PTPRM: variants seen among roughly 807,000 people sequenced by gnomAD.
PTPRM encodes the protein receptor-type tyrosine-protein phosphatase mu.
PTPRM carries 47 observed loss-of-function variants against 186.7 expected under a neutral mutation model. The ratio of observed to expected loss-of-function variants is 0.25; its 90% CI spans 0.20 to 0.32. PTPRM has a LOEUF of 0.32. Among genes scored for constraint, PTPRM ranks in the 10% least tolerant of loss-of-function variants. PTPRM has a pLI of 1.00. For missense variants in PTPRM, 1,494 were observed against 1,865.0 expected, an observed-to-expected ratio of 0.80 and a Z score of 3.66; for synonymous variants, 668 against 674.9, an observed-to-expected ratio of 0.99 and a Z score of 0.16.
At chr18:7,709,339 T>TA (rs1374605617) in intron 1 of PTPRM, among the ~76,000 whole-genome samples, 1 of 152,036 alleles carries the variant, frequency 6.6e-6, no homozygotes, top group African/African-American at 2.4e-5. Flanking sequence ...AGGTGGAAAT[T>TA]AAAAAATTAT....
intron 2 of PTPRM, among the ~76,000 whole-genome samples, chr18:7,842,930 G>GTGTGTGTGTGTGTATATA (rs377182615): frequency 9.9e-6 from 1 of 100,942 alleles, no homozygotes; most frequent in African/African-American, 5.0e-5. Context: ...GTGTGTGTGT[G>GTGTGTGTGTGTGTATATA]TATATATATA....
chr18:8,054,298 A>AATATATATATATATATATATAT lies in PTPRM; in HGVS notation c.1133-15385_1133-15364dup, dbSNP rs34903203. Reference sequence around the variant, plus strand: ...AGTAGTAATATATACTAGTAGTAGTAATATATATATATATATATATATATT... The same window carrying AATATATATATATATATATATAT: ...AGTAGTAATATATACTAGTAGTAGTAATATATATATATATATATATATATATATATATATATATATATATATT... On this transcript the variant is annotated intron_variant, in intron 7 of 32. Coordinates refer to ENST00000580170, the MANE Select transcript of PTPRM (RefSeq NM_001105244.2). Among the ~76,000 whole-genome samples, 80 of 131,636 alleles carry AATATATATATATATATATATAT rather than the reference A, an allele frequency of 6.1e-4. 2 individuals carry two copies. Among genetic ancestry groups the AATATATATATATATATATATAT allele is most frequent in the African/African-American group, 2.3e-3 (72 of 30,744 alleles). The allele number at this position is 131,636 out of a possible 152,430, so 86.4% of individuals were successfully genotyped here. A position where few individuals can be genotyped will look rare whatever the true frequency, so the allele number is the denominator to read the frequency against.
At chr18:8,292,049 C>T (rs2095048953) in intron 19 of PTPRM, among the ~76,000 whole-genome samples, 1 of 152,190 alleles carries the variant, frequency 6.6e-6, no homozygotes. Context: ...AGTTACTGTA[C>T]TTGCCCTGAG....
intron 1 of PTPRM, among the ~76,000 whole-genome samples, chr18:7,644,380 G>A (rs1361816121): frequency 2.0e-5 from 3 of 152,064 alleles, no homozygotes; most frequent in Non-Finnish European, 4.4e-5. Flanking sequence ...TACCTCTGTA[G>A]AACATGTAAA....
At chr18:8,144,226 T>A (rs940743734) in intron 14 of PTPRM, among the ~76,000 whole-genome samples, 1 of 152,116 alleles carries the variant, frequency 6.6e-6, no homozygotes, top group East Asian at 1.9e-4. Context: ...CTAGGGAAGG[T>A]CATCAGCACA....
At chr18:8,294,443 C>A (rs2095073511) in intron 19 of PTPRM, among the ~76,000 whole-genome samples, 1 of 152,034 alleles carries the variant, frequency 6.6e-6, no homozygotes, top group Non-Finnish European at 1.5e-5. Flanking sequence ...GGAAAAGCCG[C>A]TTATAAAACG....
At chr18:7,618,438 CTTCTA>C (rs1303156904) in intron 1 of PTPRM, among the ~76,000 whole-genome samples, 1 of 152,078 alleles carries the variant, frequency 6.6e-6, no homozygotes, top group Non-Finnish European at 1.5e-5. Context: ...CAGTTTGAAA[CTTCTA>C]TTTAGTATAG....
At chr18:7,731,643 A>G (rs1389978712) in intron 1 of PTPRM, among the ~76,000 whole-genome samples, 1 of 152,142 alleles carries the variant, frequency 6.6e-6, no homozygotes, top group Non-Finnish European at 1.5e-5. Context: ...TGATCCTACC[A>G]TGTATCTTTA....
chr18:8,294,658 C>T (rs1435684177), intron 19 of PTPRM, among the ~76,000 whole-genome samples: 2 of 152,082 alleles, frequency 1.3e-5, no homozygotes, highest in Non-Finnish European at 2.9e-5. Flanking sequence ...TACAGCTGTT[C>T]ATATATAGCA....
At chr18:8,024,643 C>T (rs1046685169) in intron 7 of PTPRM, among the ~76,000 whole-genome samples, 10 of 149,476 alleles carry the variant, frequency 6.7e-5, no homozygotes, top group Non-Finnish European at 7.4e-5. Flanking sequence ...TAAGACTGTA[C>T]TTTTCACACC....
chr18:7,685,362 G>A (rs574876255), intron 1 of PTPRM, among the ~76,000 whole-genome samples: 6 of 152,298 alleles, frequency 3.9e-5, no homozygotes, highest in African/African-American at 1.4e-4. Flanking sequence ...TATGATCATT[G>A]TATCTTGATG....
chr18:8,138,518 C>T (rs1317499606), intron 13 of PTPRM, among the ~76,000 whole-genome samples: 1 of 152,130 alleles, frequency 6.6e-6, no homozygotes, highest in Non-Finnish European at 1.5e-5. Flanking sequence ...TGAGATTTCT[C>T]ACACCTCCGT....
chr18:7,720,187 A>C lies in PTPRM; in HGVS notation c.74-53962A>C, dbSNP rs145031022. 3.7e-3 allele frequency among the ~76,000 whole-genome samples: 569 copies of C among 152,332 alleles called. 6 individuals carry two copies. Among genetic ancestry groups the C allele is most frequent in the African/African-American group, 0.013 (555 of 41,584 alleles). On this transcript the variant is annotated intron_variant, in intron 1 of 32. Transcript: ENST00000580170. The stretch of plus-strand genomic sequence containing the variant: ...ATAAATTTAATTCAATACTAATAAA[A>C]GTGACAAAGTTTTACTTTGAGCTTG...
chr18:7,943,798 C>T (rs2052348019), intron 5 of PTPRM, among the ~76,000 whole-genome samples: 1 of 152,158 alleles, frequency 6.6e-6, no homozygotes, highest in Non-Finnish European at 1.5e-5. Flanking sequence ...ATAAATAGAA[C>T]CTTGTGATTA....
At chr18:7,829,307 C>G (rs1282481149) in intron 2 of PTPRM, among the ~76,000 whole-genome samples, 2 of 151,990 alleles carry the variant, frequency 1.3e-5, no homozygotes, top group Non-Finnish European at 2.9e-5. Context: ...ATTTGCTTTC[C>G]TTAGAATTCA....
At chr18:7,772,430 TCCCC>T in intron 1 of PTPRM, among the ~76,000 whole-genome samples, 4 of 140,850 alleles carry the variant, frequency 2.8e-5, no homozygotes, top group African/African-American at 1.1e-4. Flanking sequence ...CTTTCTCCCT[TCCCC>T]TTCCCCTTCC....
intron 24 of PTPRM, among the ~76,000 whole-genome samples, chr18:8,372,826 T>TA (rs576190401): frequency 7.9e-5 from 12 of 151,670 alleles, no homozygotes; most frequent in East Asian, 5.8e-4. Context: ...TTTTTTTCTT[T>TA]AAAAAAAAAT....
chr18:8,136,603 G>T lies in PTPRM; in HGVS notation c.2168-7044G>T, dbSNP rs556020377. Among the ~76,000 whole-genome samples the T allele has an allele frequency of 8.5e-5, 13 of 152,228 alleles. No homozygotes were observed. In the East Asian group the frequency reaches 1.5e-3, roughly 18 times the overall value. Reference sequence around the variant, plus strand: ...TCTGTTTGCCCTACACTGGAAATTAGGGACAGAAGAAGAGTTATAAATTCA... The same window carrying T: ...TCTGTTTGCCCTACACTGGAAATTATGGACAGAAGAAGAGTTATAAATTCA... On this transcript the variant is annotated intron_variant, in intron 13 of 32. Transcript: ENST00000580170.
chr18:8,105,787 G>A (rs1020850731), intron 11 of PTPRM, among the ~76,000 whole-genome samples: 7 of 152,136 alleles, frequency 4.6e-5, no homozygotes, highest in African/African-American at 1.4e-4. Flanking sequence ...AAATTCCACT[G>A]CCAGTCACCC....
Sources: allele counts gnomAD v4.1 joint callset (sites outside exome capture counted in the v4.1 genomes callset), GRCh38; gene constraint gnomAD v4.1.1; transcripts MANE v1.5; gene names NCBI Gene and HGNC (gene_info 2026-07-23, HGNC 2026-07-21).